ZSWIM6: variants seen among roughly 807,000 people sequenced by gnomAD.
The protein encoded by ZSWIM6 is zinc finger SWIM domain-containing protein 6.
Under a neutral mutation model 113.2 loss-of-function variants are expected in ZSWIM6, and 9 were observed. The observed-to-expected ratio is 0.08, with a 90% confidence interval of 0.05 to 0.14. The LOEUF (loss-of-function observed/expected upper bound fraction) is 0.14, where lower values mean the gene tolerates loss of function less well. Ranked by LOEUF, ZSWIM6 falls within the 10% of genes least tolerant of loss-of-function variation. The pLI, the probability that ZSWIM6 is intolerant of heterozygous loss-of-function variation, is 1.00. For missense variants in ZSWIM6, 1,162 were observed against 1,552.2 expected, an observed-to-expected ratio of 0.75 and a Z score of 4.22; for synonymous variants, 611 against 606.5, an observed-to-expected ratio of 1.01 and a Z score of -0.11.
chr5:61,522,328 T>G (rs979609407), intron 5 of ZSWIM6, among the ~76,000 whole-genome samples: 10 of 152,172 alleles, frequency 6.6e-5, no homozygotes, highest in African/African-American at 1.9e-4. Context: ...GTGCATTTTT[T>G]GGGAGAAAAT....
chr5:61,440,658 C>T (rs1364721036), intron 1 of ZSWIM6, among the ~76,000 whole-genome samples: 2 of 152,176 alleles, frequency 1.3e-5, no homozygotes, highest in Non-Finnish European at 2.9e-5. Flanking sequence ...ACTGAATTTA[C>T]AGGGTGCTTG....
chr5:61,511,537 C>A (rs1019310345), intron 4 of ZSWIM6, among the ~76,000 whole-genome samples: 1 of 152,038 alleles, frequency 6.6e-6, no homozygotes, highest in African/African-American at 2.4e-5. Context: ...GGGAGGTGAT[C>A]AGATGATAAG....
chr5:61,489,859 C>T (rs1456273854), intron 2 of ZSWIM6, among the ~76,000 whole-genome samples: 1 of 151,948 alleles, frequency 6.6e-6, no homozygotes, highest in Non-Finnish European at 1.5e-5. Flanking sequence ...ACTAGTAGGC[C>T]TTGGTTCTAA....
intron 1 of ZSWIM6, among the ~76,000 whole-genome samples, chr5:61,454,699 A>G (rs945370557): frequency 6.6e-6 from 1 of 151,254 alleles, no homozygotes; most frequent in Non-Finnish European, 1.5e-5. Flanking sequence ...GTCCTGCCTC[A>G]GCCTCCCAAG....
chr5:61,401,606 A>G (rs1434945131), intron 1 of ZSWIM6, among the ~76,000 whole-genome samples: 3 of 152,188 alleles, frequency 2.0e-5, no homozygotes, highest in East Asian at 3.8e-4. Flanking sequence ...AACATACTGT[A>G]TAAGAATGTA....
At chr5:61,379,750 G>C (rs1745440365) in intron 1 of ZSWIM6, among the ~76,000 whole-genome samples, 1 of 152,078 alleles carries the variant, frequency 6.6e-6, no homozygotes, top group Non-Finnish European at 1.5e-5. Context: ...CCTATACAAT[G>C]CCTTCCCACA....
intron 1 of ZSWIM6, among the ~76,000 whole-genome samples, chr5:61,406,061 G>A (rs1746037458): frequency 6.6e-6 from 1 of 152,172 alleles, no homozygotes; most frequent in African/African-American, 2.4e-5. Flanking sequence ...CTCAGGGTTG[G>A]AGGCTTCTCC....
chr5:61,538,666 A>G (rs760731592), intron 10 of ZSWIM6, 148 bp from the exon 11 acceptor site: 8 of 814,916 alleles, frequency 9.8e-6, no homozygotes, highest in Non-Finnish European at 1.3e-5. Context: ...GCACCCACAC[A>G]GCAGAGTATA....
chr5:61,458,703 C>T (rs1361734674), intron 1 of ZSWIM6, among the ~76,000 whole-genome samples: 4 of 151,766 alleles, frequency 2.6e-5, no homozygotes, highest in East Asian at 1.9e-4. Flanking sequence ...CATGGAGAAA[C>T]CCCGTCTCTA....
chr5:61,400,191 C>A (rs552062688), intron 1 of ZSWIM6, among the ~76,000 whole-genome samples: 1 of 152,268 alleles, frequency 6.6e-6, no homozygotes, highest in East Asian at 1.9e-4. Context: ...TGTATGCATT[C>A]CTTGCCCTCC....
intron 1 of ZSWIM6, among the ~76,000 whole-genome samples, chr5:61,466,900 G>A (rs1405125503): frequency 6.6e-6 from 1 of 152,080 alleles, no homozygotes; most frequent in African/African-American, 2.4e-5. Flanking sequence ...AATTTGGAAC[G>A]TCAATGAAGA....
intron 1 of ZSWIM6, among the ~76,000 whole-genome samples, chr5:61,432,569 C>T (rs959381154): frequency 6.6e-6 from 1 of 152,214 alleles, no homozygotes; most frequent in Non-Finnish European, 1.5e-5. Context: ...ATGTAATCTC[C>T]ATGAGTTTCT....
intron 4 of ZSWIM6, among the ~76,000 whole-genome samples, chr5:61,499,374 T>C (rs934958903): frequency 6.6e-6 from 1 of 152,150 alleles, no homozygotes; most frequent in Non-Finnish European, 1.5e-5. Context: ...TCTATCAGTG[T>C]GTATGAAGCA....
intron 3 of ZSWIM6, 128 bp downstream of exon 3, chr5:61,491,062 A>G (rs989653902): frequency 2.1e-5 from 18 of 849,244 alleles, no homozygotes; most frequent in Non-Finnish European, 2.6e-5. Context: ...GCTGACCAAT[A>G]GAAACTTTTG....
Position 61,332,789 on chromosome 5 carries a change from G to T in ZSWIM6, c.517G>T (p.Ala173Ser). The part of the protein sequence containing the change: ...SAAATSAAAA[A>S]AAAAAAAAAA... ...GGCCGCAACCTCGGCCGCCGCCGCCGCTGCCGCCGCCGCCGCCGCCGCCGC... is the reference window on the plus strand; with the variant it reads ...GGCCGCAACCTCGGCCGCCGCCGCCTCTGCCGCCGCCGCCGCCGCCGCCGC... The change falls in exon 1 of 14, where the codon GCT becomes TCT. Residue 173 changes from alanine to serine, a missense_variant. Transcript: ENST00000252744. The T allele has an allele frequency of 1.2e-6, 1 of 831,892 alleles. No individual in the cohort carries two copies. The highest frequency in any genetic ancestry group is 6.3e-5 in the South Asian group (1 of 15,940). The allele number at this position is 831,892 out of a possible 1,614,324, so 51.5% of individuals were successfully genotyped here. A position where few individuals can be genotyped will look rare whatever the true frequency, so the allele number is the denominator to read the frequency against.
In ZSWIM6 at chr5:61,542,046, T is replaced by C. The variant is rs1284982002; in HGVS notation, c.2785+81T>C. 2.3e-6 allele frequency: 3 copies of C among 1,283,482 alleles called. No individual in the cohort carries two copies. In the South Asian group the frequency reaches 4.1e-5, roughly 17 times the overall value. 79.5% of individuals were successfully genotyped at this position (1,283,482 alleles called of 1,614,324 possible). On this transcript the variant is annotated intron_variant, in intron 13 of 13. Coordinates refer to ENST00000252744, the MANE Select transcript of ZSWIM6 (RefSeq NM_020928.2). ...TGTCAGTTACAGACATGTGAACATA[T>C]TCACTCTTTTATGTTGACTTCTCCA...
chr5:61,452,243 A>T (rs547595560), intron 1 of ZSWIM6, among the ~76,000 whole-genome samples: 1 of 152,156 alleles, frequency 6.6e-6, no homozygotes, highest in Non-Finnish European at 1.5e-5. Flanking sequence ...TCTGAGATTC[A>T]TCAAAAGGTT....
chr5:61,491,008 T>C (rs1322016686), intron 3 of ZSWIM6, 74 bp downstream of exon 3: 4 of 1,339,500 alleles, frequency 3.0e-6, no homozygotes, highest in Middle Eastern at 2.5e-4. Flanking sequence ...TGATCATGTC[T>C]ACAATAGGAT....
At chr5:61,456,938 G>A (rs1747217457) in intron 1 of ZSWIM6, among the ~76,000 whole-genome samples, 1 of 148,938 alleles carries the variant, frequency 6.7e-6, no homozygotes, top group Non-Finnish European at 1.5e-5. Context: ...AAGTTTTAGG[G>A]TACATGTGCA....
Sources: gnomAD v4.1 joint callset for allele counts (sites outside exome capture counted in the v4.1 genomes callset) on GRCh38, gnomAD v4.1.1 for gene constraint, MANE v1.5 for transcripts, NCBI Gene and HGNC (gene_info 2026-07-23, HGNC 2026-07-21) for gene names.